GLCCI1: variants seen among roughly 807,000 people sequenced by gnomAD.
GLCCI1 encodes the protein glucocorticoid induced 1, also known as glucocorticoid-induced transcript 1 protein.
Under a neutral mutation model 52.2 loss-of-function variants are expected in GLCCI1, and 24 were observed. That is an observed-to-expected ratio of 0.46 (90% CI 0.33 to 0.65). The LOEUF (loss-of-function observed/expected upper bound fraction) is 0.65. Ranked by LOEUF, GLCCI1 falls within the 30% of genes least tolerant of loss-of-function variation. The pLI, the probability that GLCCI1 is intolerant of heterozygous loss-of-function variation, is 0.02. For missense variants in GLCCI1, 704 were observed against 701.5 expected (o/e 1.00, Z -0.04); for synonymous variants, 310 against 276.5 (o/e 1.12, Z -1.20).
At chr7:8,080,225 T>C (rs1050262794) in intron 6 of GLCCI1, among the ~76,000 whole-genome samples, 2 of 151,540 alleles carry the variant, frequency 1.3e-5, no homozygotes, top group African/African-American at 4.9e-5. Flanking sequence ...AAAATAAGTA[T>C]ATTTTAACAC....
chr7:8,003,633 A>C (rs1454799966), intron 1 of GLCCI1, among the ~76,000 whole-genome samples: 1 of 152,214 alleles, frequency 6.6e-6, no homozygotes, highest in Non-Finnish European at 1.5e-5. Flanking sequence ...TCTTAATTAA[A>C]ATAATGGCAA....
intron 2 of GLCCI1, among the ~76,000 whole-genome samples, chr7:8,010,049 T>A (rs1015956526): frequency 2.6e-5 from 4 of 152,178 alleles, no homozygotes; most frequent in African/African-American, 9.7e-5. Context: ...TACCTTTATT[T>A]GAGTTTTATA....
intron 3 of GLCCI1, 130 bp downstream of exon 3, chr7:8,022,699 C>G (rs1467850972): frequency 7.7e-6 from 3 of 388,192 alleles, no homozygotes; most frequent in East Asian, 4.4e-5. Context: ...AGGACAAATT[C>G]TAGGGTAAGG....
At chr7:8,007,915 C>T (rs1046243290) in intron 2 of GLCCI1, among the ~76,000 whole-genome samples, 2 of 152,046 alleles carry the variant, frequency 1.3e-5, no homozygotes, top group African/African-American at 4.8e-5. Context: ...TCAAGGCCCA[C>T]TGAGGGAACT....
At chr7:8,069,304 C>T (rs1782702128) in intron 5 of GLCCI1, among the ~76,000 whole-genome samples, 1 of 152,100 alleles carries the variant, frequency 6.6e-6, no homozygotes, top group Non-Finnish European at 1.5e-5. Context: ...TGGGGGGATC[C>T]TGGGGGAGAC....
rs118072615 is a variant in GLCCI1, at chr7:8,049,857, A to T, written c.697-5576A>T. Reference sequence around the variant, plus strand: ...ATTTGCCATTTATTAGCTGTTTCACATTGGGAAGGTACTTTGTTTTTGAGT... The same window carrying T: ...ATTTGCCATTTATTAGCTGTTTCACTTTGGGAAGGTACTTTGTTTTTGAGT... On this transcript the variant is annotated intron_variant, in intron 3 of 7. Transcript: ENST00000223145. Among the ~76,000 whole-genome samples, 677 of 152,320 alleles carry T rather than the reference A, an allele frequency of 4.4e-3. 16 individuals are homozygous for T. In the East Asian group the frequency reaches 0.075, roughly 17 times the overall value.
At chr7:8,066,256 C>A (rs1193047139) in intron 5 of GLCCI1, among the ~76,000 whole-genome samples, 5 of 152,012 alleles carry the variant, frequency 3.3e-5, no homozygotes, top group African/African-American at 9.7e-5. Flanking sequence ...TCCCCTTTGT[C>A]ATTTCTGATT....
chr7:7,989,959 G>A (rs571569732), intron 1 of GLCCI1, among the ~76,000 whole-genome samples: 54 of 152,144 alleles, frequency 3.5e-4, no homozygotes, highest in African/African-American at 1.2e-3. Context: ...ATAATGCTCC[G>A]AACATGCGTA....
chr7:7,985,391 CT>C (rs1172445122), intron 1 of GLCCI1, among the ~76,000 whole-genome samples: 2 of 152,148 alleles, frequency 1.3e-5, no homozygotes, highest in Non-Finnish European at 2.9e-5. Flanking sequence ...TTCATGATCA[CT>C]TTTTCATAAT....
chr7:7,971,964 G>T (rs1013791056), intron 1 of GLCCI1, among the ~76,000 whole-genome samples: 2 of 152,042 alleles, frequency 1.3e-5, no homozygotes, highest in Non-Finnish European at 2.9e-5. Flanking sequence ...TTTTGAATGC[G>T]GGCTTCTGTG....
chr7:8,060,169 C>T lies in GLCCI1; in HGVS notation c.887C>T (p.Pro296Leu). ...SVPKSSVSRV[P>L]CNVEGISPEL... ...CCAAAATCATCTGTTTCGCGTGTGC[C>T]CTGCAATGTAGAAGGAATAAGTCCT... Residue 296 changes from proline to leucine, a missense_variant, in exon 5 of 8, where the codon CCC becomes CTC. By Grantham distance (98) the Pro-to-Leu change is moderately conservative (BLOSUM62 -3). This residue lies in a region of GLCCI1 where 547 missense variants were observed against 524.8 expected (regional missense o/e 1.04). Coordinates refer to ENST00000223145, the MANE Select transcript of GLCCI1 (RefSeq NM_138426.4). The T allele has an allele frequency of 1.2e-6, 2 of 1,613,026 alleles. No homozygotes were observed. The highest frequency in any genetic ancestry group is 1.1e-5 in the South Asian group (1 of 91,002).
chr7:7,970,338 T>TAGAGGG (rs1780319205), intron 1 of GLCCI1: 1 of 152,122 alleles, frequency 6.6e-6, no homozygotes, highest in Non-Finnish European at 1.5e-5. Flanking sequence ...AATGTACAAT[T>TAGAGGG]GAAGTGTATA....
chr7:7,996,995 C>T (rs1385503255), intron 1 of GLCCI1, among the ~76,000 whole-genome samples: 1 of 152,146 alleles, frequency 6.6e-6, no homozygotes. Context: ...TTTTATTTTA[C>T]GTGGCCTATG....
At chr7:8,048,518 G>A (rs1481968531) in intron 3 of GLCCI1, among the ~76,000 whole-genome samples, 1 of 152,132 alleles carries the variant, frequency 6.6e-6, no homozygotes, top group South Asian at 2.1e-4. Context: ...AGAGTGTGGA[G>A]TGTGAGTCAA....
Position 8,081,608 on chromosome 7 carries a change from T to C in GLCCI1, c.1178-3289T>C, listed in dbSNP as rs191175335. Reference sequence around the variant, plus strand: ...CACAATATACCAGATATAATAAAAATCAGAAGAATTTCAGAATACTCAAGC... The same window carrying C: ...CACAATATACCAGATATAATAAAAACCAGAAGAATTTCAGAATACTCAAGC... On this transcript the variant is annotated intron_variant, in intron 6 of 7. Coordinates refer to ENST00000223145, the MANE Select transcript of GLCCI1 (RefSeq NM_138426.4). Among the ~76,000 whole-genome samples the C allele has an allele frequency of 1.3e-5, 2 of 152,274 alleles. 1 individual carries two copies. The highest frequency in any genetic ancestry group is 1.3e-4 in the Admixed American group (2 of 15,296).
Position 8,069,903 on chromosome 7 carries a change from A to G in GLCCI1, c.967-1018A>G, listed in dbSNP as rs527910424. Reference sequence around the variant, plus strand: ...TAAATTATAAATAAATTAACAGCATATTGGTTCTTTTCCCTAGCACTGCAG... The same window carrying G: ...TAAATTATAAATAAATTAACAGCATGTTGGTTCTTTTCCCTAGCACTGCAG... On this transcript the variant is annotated intron_variant, in intron 5 of 7. Coordinates refer to ENST00000223145, the MANE Select transcript of GLCCI1 (RefSeq NM_138426.4). Among the ~76,000 whole-genome samples, 104 of 152,350 alleles carry G rather than the reference A, an allele frequency of 6.8e-4. 1 individual carries two copies. The highest frequency in any genetic ancestry group is 3.4e-3 in the Middle Eastern group (1 of 294).
intron 3 of GLCCI1, among the ~76,000 whole-genome samples, chr7:8,031,820 T>G (rs1003553941): frequency 3.9e-5 from 6 of 152,024 alleles, no homozygotes; most frequent in Admixed American, 3.9e-4. Flanking sequence ...CAATGTAGAC[T>G]TTAATACAAT....
intron 6 of GLCCI1, 176 bp from the exon 7 acceptor site, chr7:8,084,721 A>G (rs1157827796): frequency 5.3e-6 from 3 of 561,984 alleles, no homozygotes; most frequent in Non-Finnish European, 9.1e-6. Context: ...GTTGCATTGC[A>G]GTTTTTATTT....
Position 7,969,596 on chromosome 7 carries a change from T to C in GLCCI1, c.246T>C (p.Arg82=). The C allele has an allele frequency of 9.7e-7, 1 of 1,032,482 alleles. No homozygotes were observed. Among genetic ancestry groups the C allele is most frequent in the Non-Finnish European group, 1.2e-6 (1 of 861,898 alleles). 64.0% of individuals were successfully genotyped at this position (1,032,482 alleles called of 1,614,324 possible). A position where few individuals can be genotyped will look rare whatever the true frequency, so the allele number is the denominator to read the frequency against. The change falls in exon 1 of 8, where the codon CGT becomes CGC. Residue 82 remains arginine (R), a synonymous_variant. Transcript: ENST00000223145. This position sits in a 1 kb window ranked among gnomAD's most constrained non-coding sequence, Gnocchi z 4.9. ...LLRGSQHSPT[R]PPVAAAAASL... The stretch of plus-strand genomic sequence containing the variant: ...GGGGCAGCCAGCACAGTCCCACGCG[T>C]CCGCCCGTCGCCGCTGCCGCCGCCT...
Sources: allele counts gnomAD v4.1 joint callset (sites outside exome capture counted in the v4.1 genomes callset), GRCh38; gene constraint gnomAD v4.1.1; regional missense constraint gnomAD v4.1.1; non-coding constraint Gnocchi (gnomAD v3.1); transcripts MANE v1.5; gene names NCBI Gene and HGNC (gene_info 2026-07-23, HGNC 2026-07-21).